ZAN: variants seen among roughly 807,000 people sequenced by gnomAD.
ZAN encodes the protein zonadhesin (gene/pseudogene).
In ZAN, 260 loss-of-function variants were observed where a neutral mutation model predicts 286.2. That is an observed-to-expected ratio of 0.91 (90% CI 0.82 to 1.01). The LOEUF is 1.01. ZAN is among the 50% of genes least tolerant of loss of function. ZAN has a pLI of 0.00. For missense variants in ZAN, 3,410 were observed against 3,639.2 expected (o/e 0.94, Z 1.62); for synonymous variants, 1,368 against 1,417.5 (o/e 0.97, Z 0.79).
Position 100,737,011 on chromosome 7 carries a change from G to C in ZAN, c.456G>C (p.Trp152Cys). 1.3e-6 allele frequency: 2 copies of C among 1,500,918 alleles called. No individual in the cohort carries two copies. Among genetic ancestry groups the C allele is most frequent in the East Asian group, 4.7e-5 (2 of 42,974 alleles). The allele number at this position is 1,500,918 out of a possible 1,614,324, so 93.0% of individuals were successfully genotyped here. Residue 152 changes from tryptophan to cysteine, a missense_variant, in exon 5 of 48, where the codon TGG (tryptophan) becomes TGC (cysteine). Trp to Cys is a radical substitution (Grantham distance 215, BLOSUM62 -2). Around this residue, in one of 7 missense-constraint regions of ZAN, gnomAD observed 872 missense variants for 938.9 expected, o/e 0.93. Transcript: ENST00000613979. The part of the protein sequence containing the change: ...GRRPDVLWKH[W>C]NTQRPSWMLT... ...GCCCCGATGTGCTCTGGAAACACTG[G>C]AACACCCAGAGACCCTCCTGGATGC...
chr7:100,742,898 G>A (rs867784411), intron 7 of ZAN, among the ~76,000 whole-genome samples: 1 of 71,696 alleles, frequency 1.4e-5, no homozygotes, highest in Non-Finnish European at 3.2e-5. Context: ...AGGGGGACGG[G>A]GACGATCTGA....
intron 11 of ZAN, 81 bp from the exon 12 acceptor site, chr7:100,750,544 A>G (rs765861787): frequency 6.6e-7 from 1 of 1,504,934 alleles, no homozygotes; most frequent in Non-Finnish European, 9.0e-7. Flanking sequence ...ATTCCCGTTC[A>G]GAAAGCAAAG....
At chr7:100,735,671 T>C (rs1481826420) in intron 2 of ZAN, 49 bp from the exon 3 acceptor site, 1 of 1,339,430 alleles carries the variant, frequency 7.5e-7, no homozygotes, top group Non-Finnish European at 1.0e-6. Flanking sequence ...CTTATAATTC[T>C]TGATAATGAC....
rs765291252 is a variant in ZAN at position 100,758,678 on chromosome 7, T to TG, written c.3571+34dup. 9.0e-6 allele frequency: 14 copies of TG among 1,547,436 alleles called. No individual in the cohort carries two copies. In the African/African-American group the frequency reaches 1.5e-4, roughly 17 times the overall value. ...AGGCCCTGGAGATGCCACTGCGGCC[T>TG]GGGGGGAGGGTCTGTGGGCAGCGCT... On this transcript the variant is annotated intron_variant, in intron 17 of 47. Coordinates refer to ENST00000613979, the MANE Select transcript of ZAN (RefSeq NM_003386.3).
At chr7:100,755,452 T>C (rs762737061) in intron 15 of ZAN, 42 bp downstream of exon 15, 10 of 1,594,782 alleles carry the variant, frequency 6.3e-6, no homozygotes, top group Non-Finnish European at 8.5e-6. Flanking sequence ...GGGAGATTGA[T>C]GGCAGAACAC....
At chr7:100,784,210 A>G (rs1449742688) in intron 35 of ZAN, among the ~76,000 whole-genome samples, 3 of 147,896 alleles carry the variant, frequency 2.0e-5, no homozygotes, top group Non-Finnish European at 4.5e-5. Flanking sequence ...GCTCAATGCA[A>G]CCTCTGCCTC....
rs754499967 is a variant in ZAN, at chr7:100,755,391, A to G, written c.3290A>G (p.Tyr1097Cys). 1 of 1,454,826 alleles carries G rather than the reference A, an allele frequency of 6.9e-7. No homozygotes were observed. Among genetic ancestry groups the G allele is most frequent in the East Asian group, 2.2e-5 (1 of 44,864 alleles). The allele number at this position is 1,454,826 out of a possible 1,614,324, so 90.1% of individuals were successfully genotyped here. A position where few individuals can be genotyped will look rare whatever the true frequency, so the allele number is the denominator to read the frequency against. ...CIQASSCNCFYNNDYYEPGAE... is the reference protein window; with the variant it reads ...CIQASSCNCFCNNDYYEPGAE... Reference sequence around the variant, plus strand: ...CAGGCCTCTTCCTGCAATTGCTTCTACAACAACGACTACTATGAGGTAAGC... The same window carrying G: ...CAGGCCTCTTCCTGCAATTGCTTCTGCAACAACGACTACTATGAGGTAAGC... The change falls in exon 15 of 48, where the codon TAC (tyrosine) becomes TGC (cysteine). Residue 1097 changes from tyrosine (Y) to cysteine (C), a missense_variant. This residue lies in a region of ZAN where 1,042 missense variants were observed against 1,058.0 expected (regional missense o/e 0.98). Coordinates refer to ENST00000613979, the MANE Select transcript of ZAN (RefSeq NM_003386.3).
intron 9 of ZAN, 68 bp from the exon 10 acceptor site, chr7:100,748,069 G>A (rs901532374): frequency 2.4e-5 from 32 of 1,325,416 alleles, no homozygotes; most frequent in Middle Eastern, 3.7e-4. Context: ...GAATGGAGTC[G>A]AGTTAGATCA....
chr7:100,757,029 A>G (rs1809196659), intron 15 of ZAN, among the ~76,000 whole-genome samples: 1 of 152,208 alleles, frequency 6.6e-6, no homozygotes, highest in Non-Finnish European at 1.5e-5. Context: ...CAGCCTTCCA[A>G]AGTGTTGGGA....
intron 19 of ZAN, 131 bp downstream of exon 19, chr7:100,760,667 C>T (rs1237296091): frequency 9.5e-6 from 13 of 1,367,758 alleles, no homozygotes; most frequent in South Asian, 8.5e-5. Flanking sequence ...TTTATGCATT[C>T]ACGGATGGGA....
chr7:100,784,620 C>G lies in ZAN; in HGVS notation c.6623-3C>G. ...ACTGACCCACTGTCTCCTTCACCCA[C>G]AGCTCTGGAATGCCCTGCCTACAGC... On this transcript the variant is annotated splice_polypyrimidine_tract_variant and splice_region_variant and intron_variant, in intron 35 of 47. Coordinates refer to ENST00000613979, the MANE Select transcript of ZAN (RefSeq NM_003386.3). The G allele has an allele frequency of 6.2e-7, 1 of 1,613,448 alleles. No individual in the cohort carries two copies. Among genetic ancestry groups the G allele is most frequent in the African/African-American group, 1.3e-5 (1 of 75,050 alleles).
intron 45 of ZAN, among the ~76,000 whole-genome samples, chr7:100,796,473 G>A (rs1812373011): frequency 6.8e-6 from 1 of 146,428 alleles, no homozygotes; most frequent in African/African-American, 2.5e-5. Flanking sequence ...CTGGAGTGCA[G>A]TGGCGTGATC....
In ZAN at chr7:100,765,240, G is replaced by A. The variant is rs955268600; in HGVS notation, c.4268-112G>A. ...CTTCTCACAGTCACTCTCTCTTCTC[G>A]AGATTGGCCAGAAGCCTGGAGCTGG... On this transcript the variant is annotated intron_variant, in intron 22 of 47. Transcript: ENST00000613979. The A allele has an allele frequency of 1.2e-4, 146 of 1,222,506 alleles. No individual in the cohort carries two copies. In the Admixed American group the frequency reaches 2.7e-3, roughly 23 times the overall value. 75.7% of individuals were successfully genotyped at this position (1,222,506 alleles called of 1,614,324 possible).
Position 100,763,771 on chromosome 7 carries a change from T to G in ZAN, c.3987-35T>G. ...GTTAGGGATGAGCTGGAAGCGAGCTTTGTCTTTAGGGAGTTTGGGGTGGGT... is the reference window on the plus strand; with the variant it reads ...GTTAGGGATGAGCTGGAAGCGAGCTGTGTCTTTAGGGAGTTTGGGGTGGGT... On this transcript the variant is annotated intron_variant, in intron 20 of 47. Transcript: ENST00000613979. The surrounding 1 kb of genome is among the most constrained non-coding windows in gnomAD (Gnocchi z 4.6). 1.9e-6 allele frequency: 3 copies of G among 1,602,096 alleles called. No homozygotes were observed. Among genetic ancestry groups the G allele is most frequent in the Non-Finnish European group, 2.6e-6 (3 of 1,169,234 alleles).
At position 100,751,880 on chromosome 7, in the gene ZAN, C is replaced by G. The variant is rs774708075; in HGVS notation, c.1775C>G (p.Thr592Ser). ...EKPTVPKEKP[T>S]IPTEKPTIST... ...CCCACAGTCCCCAAAGAAAAGCCCACCATTCCCACAGAAAAACCCACCATC... is the reference window on the plus strand; with the variant it reads ...CCCACAGTCCCCAAAGAAAAGCCCAGCATTCCCACAGAAAAACCCACCATC... Residue 592 changes from threonine to serine, a missense_variant, in exon 14 of 48, where the codon ACC becomes AGC. By Grantham distance (58) the Thr-to-Ser change is moderately conservative. Transcript: ENST00000613979. The G allele has an allele frequency of 1.1e-4, 175 of 1,613,410 alleles. No individual in the cohort carries two copies. The highest frequency in any genetic ancestry group is 1.4e-4 in the Non-Finnish European group (168 of 1,179,840).
rs1301197706 is a variant in ZAN at position 100,752,176 on chromosome 7, A to T, written c.2071A>T (p.Ile691Phe). 1 of 1,611,396 alleles carries T rather than the reference A, an allele frequency of 6.2e-7. No individual in the cohort carries two copies. Among genetic ancestry groups the T allele is most frequent in the Non-Finnish European group, 8.5e-7 (1 of 1,179,492 alleles). ...CAGCATCCCTACAGAAAAACCCAGC[A>T]TCCCCACGGAAAAACCCACCATCTC... is the stretch of plus-strand genomic sequence containing the variant. Reference protein sequence around the residue: ...KPSIPTEKPSIPTEKPTISME... With the variant: ...KPSIPTEKPSFPTEKPTISME... The change falls in exon 14 of 48, where the codon ATC (isoleucine) becomes TTC (phenylalanine). Residue 691 changes from isoleucine (I) to phenylalanine (F), a missense_variant. Physicochemically the swap from Ile to Phe is conservative, Grantham distance 21. Coordinates refer to ENST00000613979, the MANE Select transcript of ZAN (RefSeq NM_003386.3).
chr7:100,771,683 C>T (rs1386389992), intron 28 of ZAN, among the ~76,000 whole-genome samples, 161 bp from the exon 29 acceptor site: 1 of 152,000 alleles, frequency 6.6e-6, no homozygotes. Flanking sequence ...CTGCCCACCT[C>T]GGCCTCCCAA....
chr7:100,758,494 C>A, intron 16 of ZAN, 37 bp from the exon 17 acceptor site: 1 of 1,553,962 alleles, frequency 6.4e-7, no homozygotes. Flanking sequence ...GGAGGAGCCA[C>A]AGAAGCAGCT....
Position 100,790,954 on chromosome 7 carries a change from C to T in ZAN, c.7370C>T (p.Pro2457Leu). ...CTTCCTCCCGCAGTGATCTCCCTACCCAGCATGTACGAGGGGCTTGTGAGT... is the reference window on the plus strand; with the variant it reads ...CTTCCTCCCGCAGTGATCTCCCTACTCAGCATGTACGAGGGGCTTGTGAGT... Reference protein sequence around the residue: ...GGRKNAVISLPSMYEGLVSGL... With the variant: ...GGRKNAVISLLSMYEGLVSGL... The change falls in exon 40 of 48, where the codon CCC becomes CTC. Residue 2457 changes from proline (P) to leucine (L), a missense_variant. Transcript: ENST00000613979. 1 of 1,611,790 alleles carries T rather than the reference C, an allele frequency of 6.2e-7. No individual in the cohort carries two copies. The highest frequency in any genetic ancestry group is 1.1e-5 in the South Asian group (1 of 90,542).
Sources: gnomAD v4.1 joint callset for allele counts (sites outside exome capture counted in the v4.1 genomes callset) on GRCh38, gnomAD v4.1.1 for gene constraint, gnomAD v4.1.1 regional missense constraint, Gnocchi (gnomAD v3.1) non-coding constraint, MANE v1.5 for transcripts, NCBI Gene and HGNC (gene_info 2026-07-23, HGNC 2026-07-21) for gene names.